Variants in DENND4C observed in about 807,000 individuals in gnomAD.
The protein encoded by DENND4C is DENN domain containing 4C, also known as DENN domain-containing protein 4C.
In DENND4C, 108 loss-of-function variants were observed where a neutral mutation model predicts 203.0. The ratio of observed to expected loss-of-function variants is 0.53; its 90% CI spans 0.46 to 0.62. The LOEUF (loss-of-function observed/expected upper bound fraction) is 0.62. Among genes scored for constraint, DENND4C ranks in the 20% least tolerant of loss-of-function variants. The pLI is 0.00. For synonymous variants in DENND4C, 871 were observed against 792.4 expected (o/e 1.10, Z -1.67); for missense variants, 2,481 against 2,301.2 (o/e 1.08, Z -1.60).
rs185137181 is a variant in DENND4C, at chr9:19,307,076, G to T, written c.1487+1549G>T. ...TGGGATTACAGGCATGAGCCACTGT[G>T]CCCGGCATGCTCAATTGTGTTTAAA... On this transcript the variant is annotated intron_variant, in intron 10 of 32. Transcript: ENST00000434457. Among the ~76,000 whole-genome samples the T allele has an allele frequency of 3.4e-3, 513 of 152,132 alleles. 2 individuals carry two copies. The highest frequency in any genetic ancestry group is 0.012 in the African/African-American group (484 of 41,512).
intron 5 of DENND4C, among the ~76,000 whole-genome samples, chr9:19,294,673 G>T (rs1025941753): frequency 1.3e-5 from 2 of 151,938 alleles, no homozygotes; most frequent in Non-Finnish European, 2.9e-5. Context: ...ACAAAATATG[G>T]TATATATATA....
At chr9:19,303,004 T>A (rs1162108081) in intron 9 of DENND4C, among the ~76,000 whole-genome samples, 1 of 152,132 alleles carries the variant, frequency 6.6e-6, no homozygotes, top group Non-Finnish European at 1.5e-5. Context: ...TTTTCCTTTT[T>A]TTTTTTTCAT....
chr9:19,241,391 T>G (rs1270554243), intron 1 of DENND4C, among the ~76,000 whole-genome samples: 4 of 152,170 alleles, frequency 2.6e-5, no homozygotes, highest in Non-Finnish European at 4.4e-5. Flanking sequence ...ATGAATTTTT[T>G]TTTTAGAGAT....
chr9:19,251,688 C>G (rs996984950), intron 1 of DENND4C, among the ~76,000 whole-genome samples: 1 of 152,166 alleles, frequency 6.6e-6, no homozygotes, highest in Non-Finnish European at 1.5e-5. Flanking sequence ...GCCAGATACC[C>G]TAAATCATCT....
rs188448624 is a variant in DENND4C, at chr9:19,274,440, C to A, written c.-17-1718C>A. ...ACTCCTGAGTAGCTGGGATTACAGGCATGCGCCACCGCACCCAGCTAATTT... is the reference window on the plus strand; with the variant it reads ...ACTCCTGAGTAGCTGGGATTACAGGAATGCGCCACCGCACCCAGCTAATTT... On this transcript the variant is annotated intron_variant, in intron 1 of 32. Coordinates refer to ENST00000434457, the MANE Select transcript of DENND4C (RefSeq NM_001330640.2). 7.2e-5 allele frequency among the ~76,000 whole-genome samples: 11 copies of A among 152,152 alleles called. No individual in the cohort carries two copies. In the East Asian group the frequency reaches 2.1e-3, roughly 29 times the overall value.
chr9:19,275,137 CT>C (rs1196937313), intron 1 of DENND4C, among the ~76,000 whole-genome samples: 1 of 151,446 alleles, frequency 6.6e-6, no homozygotes, highest in East Asian at 2.0e-4. Flanking sequence ...ACCACCACAC[CT>C]GGCTAATTTT....
chr9:19,263,293 G>C (rs1829792926), intron 1 of DENND4C, among the ~76,000 whole-genome samples: 1 of 151,538 alleles, frequency 6.6e-6, no homozygotes, highest in South Asian at 2.1e-4. Context: ...ATCCCACAGG[G>C]TCATGTTGAA....
intron 1 of DENND4C, among the ~76,000 whole-genome samples, chr9:19,256,835 C>G (rs559991686): frequency 6.6e-6 from 1 of 151,938 alleles, no homozygotes; most frequent in South Asian, 2.1e-4. Context: ...CTTTGGGAGG[C>G]CGAGGCAGGT....
intron 1 of DENND4C, among the ~76,000 whole-genome samples, chr9:19,239,611 C>T (rs943833048): frequency 1.3e-5 from 2 of 151,970 alleles, no homozygotes; most frequent in Non-Finnish European, 2.9e-5. Flanking sequence ...CTCAGCCTCC[C>T]GAGTAGCTGG....
At position 19,300,182 on chromosome 9, in the gene DENND4C, C is replaced by A; in HGVS notation, c.1167-5C>A. 6.3e-7 allele frequency: 1 copy of A among 1,578,414 alleles called. No individual in the cohort carries two copies. Among genetic ancestry groups the A allele is most frequent in the East Asian group, 2.3e-5 (1 of 44,246 alleles). On this transcript the variant is annotated splice_region_variant and splice_polypyrimidine_tract_variant and intron_variant, in intron 8 of 32. Coordinates refer to ENST00000434457, the MANE Select transcript of DENND4C (RefSeq NM_001330640.2). The stretch of plus-strand genomic sequence containing the variant: ...ATGATCTACTTTTCTCTTTTTTTTC[C>A]CTAGTGGAGCCAACTTTAGCACCTT...
At chr9:19,328,528 G>A (rs1416657931) in intron 16 of DENND4C, among the ~76,000 whole-genome samples, 9 of 152,068 alleles carry the variant, frequency 5.9e-5, no homozygotes, top group Admixed American at 2.0e-4. Flanking sequence ...CAGGAGAATC[G>A]CTTGAACCTG....
chr9:19,350,722 C>T lies in DENND4C; in HGVS notation c.4338C>T (p.Tyr1446=), dbSNP rs761375434. 6.2e-7 allele frequency: 1 copy of T among 1,612,462 alleles called. No individual in the cohort carries two copies. Among genetic ancestry groups the T allele is most frequent in the South Asian group, 1.1e-5 (1 of 90,726 alleles). ...TAAAGGAAGAAACTAATAGAGACTA[C>T]AGCTTCCCAGCTGGCCTAGAAGACC... ...SDDEEETNRD[Y]SFPAGLEDHI... is the part of the protein sequence containing the mutation. Residue 1446 remains tyrosine, a synonymous_variant, in exon 24 of 33, where the codon TAC becomes TAT. Transcript: ENST00000434457.
chr9:19,340,924 G>C (rs1256444070), intron 20 of DENND4C, 68 bp from the exon 21 acceptor site: 1 of 1,284,878 alleles, frequency 7.8e-7, no homozygotes, highest in South Asian at 2.2e-5. Context: ...GAATTTTCTT[G>C]TGATTTTTAT....
intron 1 of DENND4C, 45 bp from the exon 2 acceptor site, chr9:19,276,113 A>G (rs1227299418): frequency 2.7e-5 from 28 of 1,032,854 alleles, no homozygotes; most frequent in South Asian, 9.9e-5. Context: ...TTTTGTCAGG[A>G]TAAAGTATTT....
At chr9:19,293,348 C>G (rs1432199851) in intron 5 of DENND4C, among the ~76,000 whole-genome samples, 1 of 152,088 alleles carries the variant, frequency 6.6e-6, no homozygotes, top group Non-Finnish European at 1.5e-5. Context: ...ATAATTATAT[C>G]TGGGAATATT....
At chr9:19,343,665 A>G (rs1378406526) in intron 22 of DENND4C, among the ~76,000 whole-genome samples, 1 of 152,250 alleles carries the variant, frequency 6.6e-6, no homozygotes, top group South Asian at 2.1e-4. Flanking sequence ...TGATATATAC[A>G]TTGCAGATTC....
intron 1 of DENND4C, among the ~76,000 whole-genome samples, chr9:19,256,035 C>G (rs1015398689): frequency 6.7e-6 from 1 of 148,296 alleles, no homozygotes; most frequent in African/African-American, 2.5e-5. Flanking sequence ...GCCAGGAGTT[C>G]AAGACCAGGC....
intron 1 of DENND4C, among the ~76,000 whole-genome samples, chr9:19,241,518 T>G (rs1823714929): frequency 6.6e-6 from 1 of 151,894 alleles, no homozygotes; most frequent in Non-Finnish European, 1.5e-5. Context: ...GTTTTTCTTT[T>G]TTTTTTTACT....
chr9:19,295,942 A>T, intron 5 of DENND4C, 66 bp from the exon 6 acceptor site: 2 of 1,192,034 alleles, frequency 1.7e-6, no homozygotes, highest in Non-Finnish European at 2.4e-6. Flanking sequence ...GTGTAATAAG[A>T]AAAAAAGAGA....
Sources: allele counts gnomAD v4.1 joint callset (sites outside exome capture counted in the v4.1 genomes callset), GRCh38; gene constraint gnomAD v4.1.1; transcripts MANE v1.5; gene names NCBI Gene and HGNC (gene_info 2026-07-23, HGNC 2026-07-21).